ZNF385B: variants seen among roughly 807,000 people sequenced by gnomAD.
ZNF385B encodes the protein zinc finger protein 533.
A neutral mutation model predicts 39.2 loss-of-function variants in ZNF385B; 23 were observed. The observed-to-expected ratio is 0.59, with a 90% CI of 0.42 to 0.83. The LOEUF is 0.83. ZNF385B is among the 40% of genes least tolerant of loss of function. ZNF385B has a pLI of 0.00. For missense variants in ZNF385B, 552 were observed against 598.9 expected (o/e 0.92, Z 0.82); for synonymous variants, 205 against 222.6 (o/e 0.92, Z 0.70).
intron 3 of ZNF385B, among the ~76,000 whole-genome samples, chr2:179,644,583 G>C (rs1187414135): frequency 6.6e-6 from 1 of 152,162 alleles, no homozygotes; most frequent in Non-Finnish European, 1.5e-5. Context: ...TCCAGTGAAA[G>C]ACTTACTCTC....
At chr2:179,503,536 T>C (rs1324337632) in intron 5 of ZNF385B, among the ~76,000 whole-genome samples, 1 of 152,236 alleles carries the variant, frequency 6.6e-6, no homozygotes, top group East Asian at 1.9e-4. Context: ...ATCTGCAAAT[T>C]CAGTAATTCT....
chr2:179,762,301 TG>T (rs1412488745), intron 3 of ZNF385B, among the ~76,000 whole-genome samples: 7 of 152,060 alleles, frequency 4.6e-5, no homozygotes, highest in African/African-American at 1.7e-4. Context: ...GTGATTCTCC[TG>T]CCTCAGCCTC....
At chr2:179,860,379 G>T (rs1684945687) in intron 1 of ZNF385B, among the ~76,000 whole-genome samples, 2 of 152,060 alleles carry the variant, frequency 1.3e-5, no homozygotes, top group South Asian at 4.2e-4. Flanking sequence ...GGGAAGCATC[G>T]TCCTGCCAGC....
chr2:179,812,640 A>G (rs1453223499), intron 1 of ZNF385B, among the ~76,000 whole-genome samples: 1 of 152,206 alleles, frequency 6.6e-6, no homozygotes, highest in Non-Finnish European at 1.5e-5. Context: ...GGCAACCACT[A>G]GAGCACAGAG....
At chr2:179,661,010 G>A (rs1694401825) in intron 3 of ZNF385B, among the ~76,000 whole-genome samples, 2 of 152,160 alleles carry the variant, frequency 1.3e-5, no homozygotes, top group Admixed American at 1.3e-4. Context: ...TAATAGTGAA[G>A]TTTTATCGGT....
At chr2:179,825,275 A>C (rs950479127) in intron 1 of ZNF385B, among the ~76,000 whole-genome samples, 1 of 152,138 alleles carries the variant, frequency 6.6e-6, no homozygotes, top group Non-Finnish European at 1.5e-5. Context: ...TCCCCCATTT[A>C]CAAAAGCAAA....
Position 179,466,915 on chromosome 2 carries a change from C to CAAAAAAA in ZNF385B, c.715+16350_715+16356dup, listed in dbSNP as rs777679885. On this transcript the variant is annotated intron_variant, in intron 6 of 9. Coordinates refer to ENST00000410066, the MANE Select transcript of ZNF385B (RefSeq NM_152520.6). ...CAGCCTGGCAACAGAGCAAGACTGTCAAAAAAAAAAAAAAAAAAAAAAAAA... is the reference window on the plus strand; with the variant it reads ...CAGCCTGGCAACAGAGCAAGACTGTCAAAAAAAAAAAAAAAAAAAAAAAAAAAAAAAA... 8.9e-3 allele frequency among the ~76,000 whole-genome samples: 239 copies of CAAAAAAA among 26,934 alleles called. 41 individuals carry two copies. Among genetic ancestry groups the CAAAAAAA allele is most frequent in the Non-Finnish European group, 0.013 (209 of 16,178 alleles). The allele number at this position is 26,934 out of a possible 152,430, so 17.7% of individuals were successfully genotyped here. A position where few individuals can be genotyped will look rare whatever the true frequency, so the allele number is the denominator to read the frequency against.
At chr2:179,464,682 C>A (rs538719466) in intron 6 of ZNF385B, among the ~76,000 whole-genome samples, 4 of 152,004 alleles carry the variant, frequency 2.6e-5, no homozygotes, top group African/African-American at 9.7e-5. Context: ...ATTTCTGAGG[C>A]CTCTGTTCTG....
intron 6 of ZNF385B, among the ~76,000 whole-genome samples, chr2:179,460,041 T>G (rs547487357): frequency 6.6e-6 from 1 of 151,634 alleles, no homozygotes; most frequent in East Asian, 1.9e-4. Flanking sequence ...GAGGCAGAGG[T>G]TGCGGTGAGC....
At chr2:179,565,768 C>T (rs1406789668) in intron 3 of ZNF385B, among the ~76,000 whole-genome samples, 3 of 152,194 alleles carry the variant, frequency 2.0e-5, no homozygotes, top group African/African-American at 7.2e-5. Flanking sequence ...ATTTTAAATG[C>T]CATCTCTTCC....
intron 4 of ZNF385B, among the ~76,000 whole-genome samples, chr2:179,540,228 C>G (rs1162786177): frequency 6.6e-6 from 1 of 152,054 alleles, no homozygotes; most frequent in Non-Finnish European, 1.5e-5. Context: ...GGAAGGATCA[C>G]CTGAGGTTGG....
At chr2:179,468,233 T>C (rs1357833695) in intron 6 of ZNF385B, among the ~76,000 whole-genome samples, 3 of 152,238 alleles carry the variant, frequency 2.0e-5, no homozygotes, top group African/African-American at 7.2e-5. Flanking sequence ...GTTAGTGAAC[T>C]TGTCAGCTTT....
At chr2:179,706,329 C>T (rs1699595801) in intron 3 of ZNF385B, among the ~76,000 whole-genome samples, 1 of 152,208 alleles carries the variant, frequency 6.6e-6, no homozygotes, top group South Asian at 2.1e-4. Flanking sequence ...GTCCAGCTCA[C>T]TGCCACTGGA....
At chr2:179,696,333 T>TTTTTTTTTTTTTTTTTG (rs1698755724) in intron 3 of ZNF385B, among the ~76,000 whole-genome samples, 2 of 125,994 alleles carry the variant, frequency 1.6e-5, no homozygotes, top group African/African-American at 3.0e-5. Flanking sequence ...GGACTTTTTT[T>TTTTTTTTTTTTTTTTTG]TTTTTTTTTT....
chr2:179,835,519 G>T (rs893986834), intron 1 of ZNF385B, among the ~76,000 whole-genome samples: 3 of 152,112 alleles, frequency 2.0e-5, no homozygotes, highest in Non-Finnish European at 4.4e-5. Flanking sequence ...GGGGGGGCCA[G>T]GAAAACTATG....
rs188438240 is a variant in ZNF385B at position 179,779,900 on chromosome 2, T to G, written c.-154-9228A>C. Reference sequence around the variant, plus strand: ...TATTAAAATATGATGTTTATATATTTTTTTATTCATTAAAGAAATAATTTT... The same window carrying G: ...TATTAAAATATGATGTTTATATATTGTTTTATTCATTAAAGAAATAATTTT... On this transcript the variant is annotated intron_variant, in intron 1 of 9. Transcript: ENST00000410066. Among the ~76,000 whole-genome samples, 34 of 152,354 alleles carry G rather than the reference T, an allele frequency of 2.2e-4. No individual in the cohort carries two copies. In the East Asian group the frequency reaches 6.0e-3, roughly 27 times the overall value.
intron 3 of ZNF385B, among the ~76,000 whole-genome samples, chr2:179,556,756 G>A (rs1054940769): frequency 1.3e-5 from 2 of 149,234 alleles, no homozygotes; most frequent in Non-Finnish European, 1.5e-5. Flanking sequence ...TACAAACAGA[G>A]GAACTACGTG....
intron 5 of ZNF385B, among the ~76,000 whole-genome samples, chr2:179,513,324 G>A (rs114789161): frequency 6.6e-6 from 1 of 152,316 alleles, no homozygotes; most frequent in Non-Finnish European, 1.5e-5. Flanking sequence ...TCACATTTGT[G>A]AATTTGCCAT....
chr2:179,538,467 T>G (rs993774635), intron 4 of ZNF385B, among the ~76,000 whole-genome samples: 3 of 152,166 alleles, frequency 2.0e-5, no homozygotes, highest in Admixed American at 6.5e-5. Context: ...TTTCTTTATT[T>G]AGAAACTCTC....
Sources: allele counts gnomAD v4.1 joint callset (sites outside exome capture counted in the v4.1 genomes callset), GRCh38; gene constraint gnomAD v4.1.1; transcripts MANE v1.5; gene names NCBI Gene and HGNC (gene_info 2026-07-23, HGNC 2026-07-21).